The following C1GALT1 variants were observed in gnomAD, a reference collection of about 807,000 sequenced individuals.
C1GALT1 encodes glycoprotein-N-acetylgalactosamine 3-beta-galactosyltransferase 1.
In C1GALT1, 11 loss-of-function variants were observed where a neutral mutation model predicts 31.0. That is an observed-to-expected ratio of 0.36 (90% CI 0.22 to 0.59). The LOEUF (loss-of-function observed/expected upper bound fraction) is 0.59. Ranked by LOEUF, C1GALT1 falls within the 20% of genes least tolerant of loss-of-function variation. The pLI, the probability that C1GALT1 is intolerant of heterozygous loss-of-function variation, is 0.79. For synonymous variants in C1GALT1, 175 were observed against 143.6 expected, an observed-to-expected ratio of 1.22 and a Z score of -1.56; for missense variants, 424 against 425.2, an observed-to-expected ratio of 1.00 and a Z score of 0.03.
At position 7,190,199 on chromosome 7, in the gene C1GALT1, G is replaced by C. The variant is rs116633109; in HGVS notation, c.-18+7379G>C. Among the ~76,000 whole-genome samples the C allele has an allele frequency of 3.8e-3, 578 of 152,248 alleles. 5 individuals are homozygous for C. The highest frequency in any genetic ancestry group is 0.013 in the African/African-American group (552 of 41,548). On this transcript the variant is annotated intron_variant, in intron 1 of 3. Coordinates refer to ENST00000436587, the MANE Select transcript of C1GALT1 (RefSeq NM_020156.5). ...TGGAGAATGGTGGAGTTTGGATAAA[G>C]TTTAAACGCAACAATATTTGATAAG... is the stretch of plus-strand genomic sequence containing the variant.
chr7:7,215,610 G>T (rs1241371297), intron 1 of C1GALT1, among the ~76,000 whole-genome samples: 2 of 152,186 alleles, frequency 1.3e-5, no homozygotes, highest in African/African-American at 4.8e-5. Flanking sequence ...AGGAATTCCA[G>T]TTAGGGTTTT....
rs142799381 is a variant in C1GALT1 at position 7,243,692 on chromosome 7, A to G, written c.1057A>G (p.Asn353Asp). 1.2e-6 allele frequency: 2 copies of G among 1,608,436 alleles called. No individual in the cohort carries two copies. Among genetic ancestry groups the G allele is most frequent in the Non-Finnish European group, 1.7e-6 (2 of 1,178,390 alleles). ...ILKEISQANK[N>D]EDTKVKLGNP ...AAAGGAAATTAGTCAAGCAAACAAA[A>G]ATGAAGATACAAAAGTGAAGTTAGG... The change falls in exon 4 of 4, where the codon AAT becomes GAT. Residue 353 changes from asparagine (N) to aspartate (D), a missense_variant. This residue lies in a region of C1GALT1 where 191 missense variants were observed against 188.8 expected (regional missense o/e 1.01). Coordinates refer to ENST00000436587, the MANE Select transcript of C1GALT1 (RefSeq NM_020156.5).
upstream of C1GALT1, among the ~76,000 whole-genome samples, chr7:7,180,855 C>A (rs62453515): frequency 0.4 from 60,389 of 150,486 alleles, 12,760 homozygotes; most frequent in East Asian, 0.59. Context: ...CAAGATCACA[C>A]CTGTGAATAG....
intron 1 of C1GALT1, among the ~76,000 whole-genome samples, chr7:7,207,790 GT>G (rs201676323): frequency 0.18 from 23,259 of 131,912 alleles, 2,026 homozygotes; most frequent in East Asian, 0.37. Flanking sequence ...TTTTTTCTTT[GT>G]TTTTTTTTTT....
At chr7:7,230,807 G>A (rs1302801949) in intron 1 of C1GALT1, among the ~76,000 whole-genome samples, 1 of 150,986 alleles carries the variant, frequency 6.6e-6, no homozygotes. Flanking sequence ...ACAGTGAAAT[G>A]ACTTTAGAGC....
At chr7:7,197,956 A>G (rs182448914) in intron 1 of C1GALT1, among the ~76,000 whole-genome samples, 122 of 152,314 alleles carry the variant, frequency 8.0e-4, no homozygotes, top group African/African-American at 2.8e-3. Context: ...GGGGTTTTCT[A>G]AATACACAAT....
chr7:7,207,590 T>C (rs1781806680), intron 1 of C1GALT1, among the ~76,000 whole-genome samples: 1 of 152,018 alleles, frequency 6.6e-6, no homozygotes. Flanking sequence ...TTTTATAGTC[T>C]TTGTTTAACA....
At chr7:7,173,375 T>C (rs1304482088) in intron 2 of C1GALT1, among the ~76,000 whole-genome samples, 1 of 152,042 alleles carries the variant, frequency 6.6e-6, no homozygotes, top group Admixed American at 6.6e-5. Flanking sequence ...TCATGCTTCC[T>C]GTAAAGACTG....
At chr7:7,229,595 T>C (rs1264786544) in intron 1 of C1GALT1, among the ~76,000 whole-genome samples, 2 of 152,138 alleles carry the variant, frequency 1.3e-5, no homozygotes, top group Non-Finnish European at 2.9e-5. Context: ...TTGAATGAAA[T>C]TTCAAACCAA....
intron 1 of C1GALT1, among the ~76,000 whole-genome samples, chr7:7,189,810 A>G (rs1443943304): frequency 1.3e-5 from 2 of 152,036 alleles, no homozygotes. Context: ...TTTTAATTCC[A>G]TTTTCTAAAA....
chr7:7,226,822 G>A (rs1341825772), intron 1 of C1GALT1, among the ~76,000 whole-genome samples: 1 of 152,168 alleles, frequency 6.6e-6, no homozygotes, highest in Non-Finnish European at 1.5e-5. Context: ...GGATTAAGCA[G>A]TCATGGAATT....
chr7:7,234,726 G>C, intron 2 of C1GALT1, 187 bp downstream of exon 2: 1 of 517,552 alleles, frequency 1.9e-6, no homozygotes, highest in East Asian at 3.3e-5. Flanking sequence ...TATTAATTTT[G>C]AATTCGTTTT....
At chr7:7,210,820 T>G (rs1427237765) in intron 1 of C1GALT1, among the ~76,000 whole-genome samples, 1 of 152,196 alleles carries the variant, frequency 6.6e-6, no homozygotes, top group African/African-American at 2.4e-5. Flanking sequence ...ATGGCCTAAA[T>G]TTGCATATGA....
At chr7:7,217,640 T>C (rs559233530) in intron 1 of C1GALT1, among the ~76,000 whole-genome samples, 1 of 152,344 alleles carries the variant, frequency 6.6e-6, no homozygotes, top group East Asian at 1.9e-4. Context: ...GGTGTAGGCA[T>C]GATTTGAAAT....
intron 1 of C1GALT1, among the ~76,000 whole-genome samples, chr7:7,212,134 C>T (rs1452267447): frequency 1.3e-5 from 2 of 152,272 alleles, no homozygotes; most frequent in Admixed American, 1.3e-4. Context: ...AAGCCTAGGC[C>T]AGCAATGGGT....
At chr7:7,213,955 C>A (rs754293822) in intron 1 of C1GALT1, among the ~76,000 whole-genome samples, 1 of 152,164 alleles carries the variant, frequency 6.6e-6, no homozygotes, top group Non-Finnish European at 1.5e-5. Context: ...AGCCAATTGG[C>A]TTATTTTGTA....
At chr7:7,213,142 C>G (rs1782082630) in intron 1 of C1GALT1, among the ~76,000 whole-genome samples, 1 of 152,050 alleles carries the variant, frequency 6.6e-6, no homozygotes, top group Non-Finnish European at 1.5e-5. Context: ...TTTAGGAGTC[C>G]CATATCTTCT....
chr7:7,192,062 T>C (rs1416616384), intron 1 of C1GALT1, among the ~76,000 whole-genome samples: 1 of 152,120 alleles, frequency 6.6e-6, no homozygotes, highest in Non-Finnish European at 1.5e-5. Context: ...GTCATGAAGC[T>C]CTTTTGTTCA....
intron 1 of C1GALT1, among the ~76,000 whole-genome samples, chr7:7,193,008 T>C (rs1455199952): frequency 6.6e-6 from 1 of 152,140 alleles, no homozygotes; most frequent in Non-Finnish European, 1.5e-5. Flanking sequence ...GATTGTTTGT[T>C]TTTTTTCTTG....
Sources: allele counts gnomAD v4.1 joint callset (sites outside exome capture counted in the v4.1 genomes callset), GRCh38; gene constraint gnomAD v4.1.1; regional missense constraint gnomAD v4.1.1; transcripts MANE v1.5; gene names NCBI Gene and HGNC (gene_info 2026-07-23, HGNC 2026-07-21).